Variants in NRXN3 observed in about 807,000 individuals in gnomAD.
NRXN3 encodes the protein neurexin 3, also known as neurexin III.
Under a neutral mutation model 137.6 loss-of-function variants are expected in NRXN3, and 32 were observed. That is an observed-to-expected ratio of 0.23 (90% CI 0.18 to 0.31). NRXN3 has a LOEUF of 0.31. Ranked by LOEUF, NRXN3 falls within the 10% of genes least tolerant of loss-of-function variation. NRXN3 has a pLI of 1.00. For missense variants in NRXN3, 1,574 were observed against 2,062.5 expected (o/e 0.76, Z 4.59); for synonymous variants, 798 against 784.5 (o/e 1.02, Z -0.29).
rs1188008838 is a variant in NRXN3 at position 78,731,593 on chromosome 14, ATG to A, written c.2044+16458_2044+16459del. ...TATGCTTTATTCTATTATTTTGGGAATGTGTATATATATATGTGTGTGTGTGT... is the reference window on the plus strand; with the variant it reads ...TATGCTTTATTCTATTATTTTGGGAATGTATATATATATGTGTGTGTGTGT... On this transcript the variant is annotated intron_variant, in intron 8 of 20. Coordinates refer to ENST00000335750, the MANE Select transcript of NRXN3 (RefSeq NM_001330195.2). Among the ~76,000 whole-genome samples the A allele has an allele frequency of 6.4e-5, 9 of 139,982 alleles. No homozygotes were observed. In the South Asian group the frequency reaches 7.0e-4, roughly 11 times the overall value. The allele number at this position is 139,982 out of a possible 152,430, so 91.8% of individuals were successfully genotyped here. A position where few individuals can be genotyped will look rare whatever the true frequency, so the allele number is the denominator to read the frequency against.
intron 15 of NRXN3, among the ~76,000 whole-genome samples, chr14:79,372,483 A>G (rs1195005979): frequency 6.6e-6 from 1 of 152,104 alleles, no homozygotes; most frequent in Admixed American, 6.5e-5. Context: ...TATATTATAT[A>G]ATAATTCCTC....
chr14:78,368,964 C>T (rs2086406059), intron 4 of NRXN3, among the ~76,000 whole-genome samples: 1 of 152,148 alleles, frequency 6.6e-6, no homozygotes, highest in Non-Finnish European at 1.5e-5. Context: ...TAGGGTTACT[C>T]ACTGGTCTTC....
intron 10 of NRXN3, among the ~76,000 whole-genome samples, chr14:78,923,958 C>T (rs555441137): frequency 5.6e-4 from 85 of 152,282 alleles, no homozygotes; most frequent in Non-Finnish European, 1.0e-3. Flanking sequence ...CTTATTAAGA[C>T]CATTAATACG....
In NRXN3 at chr14:79,708,182, A is replaced by G. The variant is rs2098788708; in HGVS notation, c.4014+10245A>G. ...TTTTAAAAAATTGTGTCTGTACTGAACATGTACAGACTTTTTTCTTACTAT... is the reference window on the plus strand; with the variant it reads ...TTTTAAAAAATTGTGTCTGTACTGAGCATGTACAGACTTTTTTCTTACTAT... On this transcript the variant is annotated intron_variant, in intron 19 of 20. Transcript: ENST00000335750. Among the ~76,000 whole-genome samples, 4 of 152,298 alleles carry G rather than the reference A, an allele frequency of 2.6e-5. No homozygotes were observed. The South Asian group carries it at 8.3e-4, about 32-fold the overall frequency.
chr14:78,628,878 C>T (rs1215723135), intron 4 of NRXN3, among the ~76,000 whole-genome samples: 1 of 152,176 alleles, frequency 6.6e-6, no homozygotes, highest in Non-Finnish European at 1.5e-5. Flanking sequence ...AAAACAAACT[C>T]TTGTTTTGGT....
At chr14:78,899,667 G>C (rs993365975) in intron 10 of NRXN3, among the ~76,000 whole-genome samples, 9 of 151,960 alleles carry the variant, frequency 5.9e-5, no homozygotes, top group Admixed American at 5.2e-4. Flanking sequence ...ATGAGAAAAA[G>C]GAAGAAACTT....
At chr14:79,595,801 T>C (rs1036891669) in intron 16 of NRXN3, among the ~76,000 whole-genome samples, 6 of 152,254 alleles carry the variant, frequency 3.9e-5, no homozygotes, top group Non-Finnish European at 8.8e-5. Flanking sequence ...GTACAGTTTT[T>C]AAATGTGAAT....
chr14:79,805,268 C>T (rs2099199743), intron 20 of NRXN3, 78 bp downstream of exon 20: 2 of 1,000,538 alleles, frequency 2.0e-6, no homozygotes, highest in Non-Finnish European at 3.1e-6. Context: ...TGTGATTATA[C>T]ATGTGTTTTA....
intron 15 of NRXN3, among the ~76,000 whole-genome samples, chr14:79,064,737 A>G (rs11627031): frequency 1.6e-5 from 1 of 64,240 alleles, no homozygotes; most frequent in South Asian, 7.2e-4. Flanking sequence ...ATATATGTAT[A>G]TGTATATATA....
chr14:78,914,653 G>A (rs2099250081), intron 10 of NRXN3, among the ~76,000 whole-genome samples: 1 of 152,128 alleles, frequency 6.6e-6, no homozygotes, highest in African/African-American at 2.4e-5. Flanking sequence ...CAACAAAGAG[G>A]TCGTGTGGCT....
chr14:78,848,818 T>G (rs914218887), intron 10 of NRXN3, among the ~76,000 whole-genome samples: 2 of 152,094 alleles, frequency 1.3e-5, no homozygotes, highest in African/African-American at 4.8e-5. Context: ...CCCCCTTTGT[T>G]GCTGAATTGA....
chr14:79,139,602 G>A (rs1250781372), intron 15 of NRXN3, among the ~76,000 whole-genome samples: 1 of 152,230 alleles, frequency 6.6e-6, no homozygotes, highest in Non-Finnish European at 1.5e-5. Context: ...CTGCGAGTGT[G>A]TCACTAAAGC....
intron 6 of NRXN3, among the ~76,000 whole-genome samples, chr14:78,674,943 A>G (rs533379593): frequency 6.6e-6 from 1 of 152,282 alleles, no homozygotes; most frequent in South Asian, 2.1e-4. Flanking sequence ...TAGATGTCAG[A>G]TGTAGTCTAA....
chr14:78,219,367 G>A (rs2063604926), intron 1 of NRXN3, among the ~76,000 whole-genome samples: 1 of 152,098 alleles, frequency 6.6e-6, no homozygotes, highest in South Asian at 2.1e-4. Flanking sequence ...CATTGAATAG[G>A]GTGAGAAATT....
intron 15 of NRXN3, among the ~76,000 whole-genome samples, chr14:79,144,816 T>C (rs1279595890): frequency 6.6e-6 from 1 of 152,118 alleles, no homozygotes; most frequent in African/African-American, 2.4e-5. Context: ...TCTTCCTTCT[T>C]TTTTCTTCCC....
intron 15 of NRXN3, among the ~76,000 whole-genome samples, chr14:79,336,482 AAGG>A (rs1465101748): frequency 6.6e-6 from 1 of 152,172 alleles, no homozygotes; most frequent in African/African-American, 2.4e-5. Flanking sequence ...TGGTGACGAC[AAGG>A]AGAAGGAAGA....
chr14:79,605,987 G>A (rs1206920478), intron 16 of NRXN3, among the ~76,000 whole-genome samples: 1 of 152,164 alleles, frequency 6.6e-6, no homozygotes, highest in Non-Finnish European at 1.5e-5. Flanking sequence ...GGGGCTCCAC[G>A]AGTTCCAAAG....
At chr14:79,475,310 G>C (rs1391909515) in intron 16 of NRXN3, among the ~76,000 whole-genome samples, 1 of 152,068 alleles carries the variant, frequency 6.6e-6, no homozygotes, top group African/African-American at 2.4e-5. Flanking sequence ...GAGAAGGAAA[G>C]GCCAAATGGC....
intron 15 of NRXN3, among the ~76,000 whole-genome samples, chr14:79,310,292 A>C: frequency 1.7e-5 from 2 of 114,586 alleles, no homozygotes; most frequent in African/African-American, 8.4e-5. Context: ...ATTGATCTAT[A>C]TCTCTGTTTT....
Sources: gnomAD v4.1 joint callset for allele counts (sites outside exome capture counted in the v4.1 genomes callset) on GRCh38, gnomAD v4.1.1 for gene constraint, MANE v1.5 for transcripts, NCBI Gene and HGNC (gene_info 2026-07-23, HGNC 2026-07-21) for gene names.